ACSBG1: variants seen among roughly 807,000 people sequenced by gnomAD.
ACSBG1 encodes long-chain-fatty-acid--CoA ligase ACSBG1.
In ACSBG1, 39 loss-of-function variants were observed where a neutral mutation model predicts 80.2. That is an observed-to-expected ratio of 0.49 (90% CI 0.38 to 0.64). The LOEUF (loss-of-function observed/expected upper bound fraction) is 0.64, where lower values mean the gene tolerates loss of function less well. Ranked by LOEUF, ACSBG1 falls within the 30% of genes least tolerant of loss-of-function variation. The pLI, the probability that ACSBG1 is intolerant of heterozygous loss-of-function variation, is 0.00. For missense variants in ACSBG1, 828 were observed against 966.4 expected, an observed-to-expected ratio of 0.86 and a Z score of 1.90; for synonymous variants, 392 against 379.5, an observed-to-expected ratio of 1.03 and a Z score of -0.38.
chr15:78,205,019 G>A (rs535238725), intron 2 of ACSBG1, among the ~76,000 whole-genome samples: 1 of 152,202 alleles, frequency 6.6e-6, no homozygotes, highest in Non-Finnish European at 1.5e-5. Flanking sequence ...GAAAGCGGGT[G>A]GGGAGCCAGC....
chr15:78,209,811 G>A (rs553322792), intron 1 of ACSBG1, among the ~76,000 whole-genome samples: 16 of 152,310 alleles, frequency 1.1e-4, no homozygotes, highest in African/African-American at 3.1e-4. Context: ...CCAGCTGGGC[G>A]GCCACCTCCA....
At chr15:78,173,344 C>CAAAAAAAAAAAAA (rs59008825) in intron 13 of ACSBG1, among the ~76,000 whole-genome samples, 1 of 75,226 alleles carries the variant, frequency 1.3e-5, no homozygotes, top group Non-Finnish European at 2.3e-5. Flanking sequence ...GACTCCATCT[C>CAAAAAAAAAAAAA]AAAAAAAAAA....
At chr15:78,182,200 C>T (rs979300557) in intron 7 of ACSBG1, 55 bp from the exon 8 acceptor site, 28 of 1,575,364 alleles carry the variant, frequency 1.8e-5, no homozygotes, top group Non-Finnish European at 1.9e-5. Flanking sequence ...CCTGGCGGTG[C>T]TCACAACTGT....
At chr15:78,182,809 C>T (rs1327458963) in intron 5 of ACSBG1, 24 bp from the exon 6 acceptor site, 1 of 1,612,542 alleles carries the variant, frequency 6.2e-7, no homozygotes, top group African/African-American at 1.3e-5. Context: ...AAAAATAGAT[C>T]AGGTTTCAGT....
chr15:78,197,539 T>C (rs982810428), intron 2 of ACSBG1, among the ~76,000 whole-genome samples: 12 of 151,762 alleles, frequency 7.9e-5, no homozygotes, highest in Non-Finnish European at 1.8e-4. Flanking sequence ...AGCAACATGG[T>C]GAAACCCTGT....
At chr15:78,209,590 A>G (rs1487968694) in intron 1 of ACSBG1, among the ~76,000 whole-genome samples, 1 of 152,170 alleles carries the variant, frequency 6.6e-6, no homozygotes, top group Non-Finnish European at 1.5e-5. Flanking sequence ...TTGGGCCGCA[A>G]TGTTACCAAA....
At chr15:78,231,193 T>C (rs991065866) in intron 1 of ACSBG1, among the ~76,000 whole-genome samples, 1 of 152,172 alleles carries the variant, frequency 6.6e-6, no homozygotes, top group African/African-American at 2.4e-5. Flanking sequence ...CGATCTCAGC[T>C]CACGGCAACC....
Position 78,216,715 on chromosome 15 carries a change from C to A in ACSBG1, c.132-8613G>T, listed in dbSNP as rs1239217791. Among the ~76,000 whole-genome samples, 4 of 152,234 alleles carry A rather than the reference C, an allele frequency of 2.6e-5. No homozygotes were observed. In the East Asian group the frequency reaches 7.7e-4, roughly 29 times the overall value. On this transcript the variant is annotated intron_variant, in intron 1 of 13. Coordinates refer to ENST00000258873, the MANE Select transcript of ACSBG1 (RefSeq NM_015162.5). ...GTGTTTGCTGAGAGGCCTCAACCCC[C>A]AAGGCTCATCTCAGCTCCACCTTGG...
At chr15:78,224,133 G>A (rs768818695) in intron 1 of ACSBG1, among the ~76,000 whole-genome samples, 3 of 152,162 alleles carry the variant, frequency 2.0e-5, no homozygotes, top group Non-Finnish European at 4.4e-5. Flanking sequence ...ACAGTGCAAT[G>A]GAAAACTCAC....
Position 78,182,213 on chromosome 15 carries a change from CCACCCTGGGGGCCAGCCCCAGTGTGGTG to C in ACSBG1, c.895-96_895-69del, listed in dbSNP as rs1173730021. On this transcript the variant is annotated intron_variant, in intron 7 of 13. Coordinates refer to ENST00000258873, the MANE Select transcript of ACSBG1 (RefSeq NM_015162.5). ...GCCCTGGCGGTGCTCACAACTGTGG[CCACCCTGGGGGCCAGCCCCAGTGTGGTG>C]CCCCCTGTGGCGATTCTGCAGGCTC... The C allele has an allele frequency of 1.8e-4, 285 of 1,557,352 alleles. 1 individual carries two copies. Among genetic ancestry groups the C allele is most frequent in the Admixed American group, 1.4e-3 (76 of 55,698 alleles).
chr15:78,212,736 A>T, intron 1 of ACSBG1: 1 of 369,844 alleles, frequency 2.7e-6, no homozygotes, highest in South Asian at 2.0e-5. Flanking sequence ...CCTGCAACAG[A>T]GATACAGCGT....
chr15:78,200,382 G>A (rs928937507), intron 2 of ACSBG1, among the ~76,000 whole-genome samples: 2 of 152,078 alleles, frequency 1.3e-5, no homozygotes, highest in Admixed American at 6.5e-5. Context: ...CACAAGCTCA[G>A]CTGAGCCAGC....
At chr15:78,176,543 G>GA (rs922786964) in intron 11 of ACSBG1, among the ~76,000 whole-genome samples, 2 of 151,116 alleles carry the variant, frequency 1.3e-5, no homozygotes, top group Non-Finnish European at 3.0e-5. Context: ...CATCTGAGCT[G>GA]AAAAAAAAAT....
At chr15:78,187,812 A>G (rs2075020271) in intron 5 of ACSBG1, among the ~76,000 whole-genome samples, 1 of 152,154 alleles carries the variant, frequency 6.6e-6, no homozygotes, top group Admixed American at 6.6e-5. Context: ...ATTGTGTTGG[A>G]AGTTCTGGCC....
chr15:78,191,290 T>C (rs2075054845), intron 5 of ACSBG1, among the ~76,000 whole-genome samples: 1 of 152,046 alleles, frequency 6.6e-6, no homozygotes, highest in Non-Finnish European at 1.5e-5. Context: ...GAAGGAAAAA[T>C]AGATGTCTAC....
intron 2 of ACSBG1, among the ~76,000 whole-genome samples, chr15:78,203,567 G>A (rs1262504463): frequency 1.3e-5 from 2 of 152,180 alleles, no homozygotes. Flanking sequence ...CCTGACCCTG[G>A]CTTGTATCTT....
Position 78,179,585 on chromosome 15 carries a change from G to A in ACSBG1, c.1449C>T (p.His483=). Residue 483 remains histidine (H), a synonymous_variant, in exon 10 of 14, where the codon CAC becomes CAT. Transcript: ENST00000258873. ...GYGLSETSGP[H]FMSSPYNYRL... ...GGTAGTTGTAGGGACTGGACATGAA[G>A]TGGGGGCCTGAGGTCTCACTGAGGC... 6.2e-7 allele frequency: 1 copy of A among 1,614,140 alleles called. No individual in the cohort carries two copies. The highest frequency in any genetic ancestry group is 1.1e-5 in the South Asian group (1 of 91,088).
rs950646723 is a variant in ACSBG1 at position 78,177,604 on chromosome 15, G to A, written c.1702+1010C>T. Among the ~76,000 whole-genome samples the A allele has an allele frequency of 1.3e-5, 2 of 152,112 alleles. No homozygotes were observed. Among genetic ancestry groups the A allele is most frequent in the African/African-American group, 2.4e-5 (1 of 41,412 alleles). On this transcript the variant is annotated intron_variant, in intron 11 of 13. Transcript: ENST00000258873. The surrounding 1 kb of genome is among the most constrained non-coding windows in gnomAD (Gnocchi z 4.1). ...CAAGCAGTCACCTGTTGCTCCCGGG[G>A]TCTCACTGGAGGGTACCTCCAGGGC...
chr15:78,207,953 CAGCA>C, intron 2 of ACSBG1, 45 bp downstream of exon 2: 1 of 994,756 alleles, frequency 1.0e-6, no homozygotes, highest in Admixed American at 1.9e-5. Flanking sequence ...ACACCCAGCA[CAGCA>C]CAGTTTCCCG....
Sources: allele counts gnomAD v4.1 joint callset (sites outside exome capture counted in the v4.1 genomes callset), GRCh38; gene constraint gnomAD v4.1.1; non-coding constraint Gnocchi (gnomAD v3.1); transcripts MANE v1.5; gene names NCBI Gene and HGNC (gene_info 2026-07-23, HGNC 2026-07-21).